The following NAT10 variants were observed in gnomAD, a reference collection of about 807,000 sequenced individuals.
NAT10 encodes the protein N-acetyltransferase 10, also known as RNA cytidine acetyltransferase.
A neutral mutation model predicts 132.2 loss-of-function variants in NAT10; 109 were observed. The observed-to-expected ratio is 0.82, with a 90% CI of 0.71 to 0.97. The LOEUF is 0.97. NAT10 is among the 50% of genes least tolerant of loss of function. The probability of loss-of-function intolerance (pLI) is 0.00; values close to 1 mark genes in which losing one functional copy is unlikely to be tolerated. For synonymous variants in NAT10, 479 were observed against 478.0 expected (o/e 1.00, Z -0.03); for missense variants, 1,184 against 1,263.4 (o/e 0.94, Z 0.95).
Position 34,146,266 on chromosome 11 carries a change from T to C in NAT10, c.*74T>C. 8.5e-7 allele frequency: 1 copy of C among 1,170,810 alleles called. No individual in the cohort carries two copies. Among genetic ancestry groups the C allele is most frequent in the South Asian group, 1.5e-5 (1 of 65,610 alleles). 72.5% of individuals were successfully genotyped at this position (1,170,810 alleles called of 1,614,324 possible). A position where few individuals can be genotyped will look rare whatever the true frequency, so the allele number is the denominator to read the frequency against. ...CTAACTGAACCCTCTCTGGCTGGAC[T>C]GTTAAAAGCAACGAGAGGCCCCGGC... is the stretch of plus-strand genomic sequence containing the variant. On this transcript the variant is annotated 3_prime_UTR_variant, in exon 29 of 29. Coordinates refer to ENST00000257829, the MANE Select transcript of NAT10 (RefSeq NM_024662.3).
chr11:34,132,104 G>A (rs748282619), intron 14 of NAT10, 21 bp from the exon 15 acceptor site: 8 of 1,581,204 alleles, frequency 5.1e-6, no homozygotes, highest in Non-Finnish European at 6.1e-6. Flanking sequence ...TTTTGTTTTG[G>A]TTTCTTAACT....
intron 7 of NAT10, 50 bp downstream of exon 7, chr11:34,118,344 G>A (rs1248529781): frequency 6.2e-7 from 1 of 1,611,224 alleles, no homozygotes; most frequent in Admixed American, 1.7e-5. Context: ...CGTTTTCTGT[G>A]TTGTTCCTCC....
At chr11:34,145,027 G>A (rs1251436770) in intron 28 of NAT10, among the ~76,000 whole-genome samples, 3 of 152,214 alleles carry the variant, frequency 2.0e-5, no homozygotes, top group African/African-American at 7.2e-5. Context: ...CAGCACAGAA[G>A]CCCACTGTCA....
In NAT10 at chr11:34,135,280, G is replaced by A. The variant is rs778791463; in HGVS notation, c.2017G>A (p.Val673Ile). 8 of 1,613,624 alleles carry A rather than the reference G, an allele frequency of 5.0e-6. No individual in the cohort carries two copies. Among genetic ancestry groups the A allele is most frequent in the South Asian group, 1.1e-5 (1 of 91,072 alleles). ...TGAGACACCACAGGAAATTCACACC[G>A]TAAGCAGCGAGGTAAGCATCTTTCG... ...VLETPQEIHTVSSEAVSLLEE... is the reference protein window; with the variant it reads ...VLETPQEIHTISSEAVSLLEE... Residue 673 changes from valine (V) to isoleucine (I), a missense_variant, in exon 19 of 29, where the codon GTA becomes ATA. Coordinates refer to ENST00000257829, the MANE Select transcript of NAT10 (RefSeq NM_024662.3).
In NAT10 at chr11:34,139,270, T is replaced by A; in HGVS notation, c.2291T>A (p.Leu764His). The A allele has an allele frequency of 6.2e-7, 1 of 1,614,078 alleles. No homozygotes were observed. Among genetic ancestry groups the A allele is most frequent in the East Asian group, 2.2e-5 (1 of 44,862 alleles). ...DEDEADQGGW[L>H]AAFWKDFRRR... ...GATGAGGCTGACCAGGGAGGCTGGCTTGCAGCCTTCTGGAAAGGTGACTGA... is the reference window on the plus strand; with the variant it reads ...GATGAGGCTGACCAGGGAGGCTGGCATGCAGCCTTCTGGAAAGGTGACTGA... Residue 764 changes from leucine to histidine, a missense_variant, in exon 22 of 29, where the codon CTT becomes CAT. Leu to His is a moderately conservative substitution (Grantham distance 99). Coordinates refer to ENST00000257829, the MANE Select transcript of NAT10 (RefSeq NM_024662.3).
At position 34,137,026 on chromosome 11, in the gene NAT10, G is replaced by A. The variant is rs748582772; in HGVS notation, c.2211G>A (p.Pro737=). The change falls in exon 21 of 29, where the codon CCG becomes CCA. Residue 737 remains proline (P), a splice_region_variant and synonymous_variant. Coordinates refer to ENST00000257829, the MANE Select transcript of NAT10 (RefSeq NM_024662.3). Reference sequence around the variant, plus strand: ...TTCCTGTTTATCTGAGACAGACCCCGGTGAGTGAGGCATCCAGCAGAGGAG... The same window carrying A: ...TTCCTGTTTATCTGAGACAGACCCCAGTGAGTGAGGCATCCAGCAGAGGAG... ...GFVPVYLRQT[P]NDLTGEHSCI... 6 of 1,614,074 alleles carry A rather than the reference G, an allele frequency of 3.7e-6. No individual in the cohort carries two copies. Among genetic ancestry groups the A allele is most frequent in the East Asian group, 2.2e-5 (1 of 44,898 alleles).
intron 8 of NAT10, among the ~76,000 whole-genome samples, chr11:34,120,717 C>T (rs942579749): frequency 1.3e-5 from 2 of 152,150 alleles, no homozygotes; most frequent in Non-Finnish European, 2.9e-5. Context: ...TGAGATGAGA[C>T]AGTCAGTAAA....
chr11:34,130,393 A>T (rs763143770), intron 12 of NAT10, among the ~76,000 whole-genome samples: 2 of 152,228 alleles, frequency 1.3e-5, no homozygotes, highest in African/African-American at 2.4e-5. Flanking sequence ...CAGCTCCGTT[A>T]GTTGACCATT....
intron 4 of NAT10, 91 bp from the exon 5 acceptor site, chr11:34,113,625 A>C: frequency 1.4e-6 from 2 of 1,423,950 alleles, no homozygotes; most frequent in South Asian, 2.8e-5. Context: ...CGACAGAGCA[A>C]GACTCCATCT....
At chr11:34,123,638 C>T in intron 9 of NAT10, 124 bp from the exon 10 acceptor site, 1 of 652,752 alleles carries the variant, frequency 1.5e-6, no homozygotes. Context: ...CTGACTTTTT[C>T]CCTTGCTGTT....
intron 28 of NAT10, among the ~76,000 whole-genome samples, chr11:34,145,593 T>C (rs974432431): frequency 2.0e-5 from 3 of 152,202 alleles, no homozygotes; most frequent in Admixed American, 6.5e-5. Context: ...TTTCTTCTTC[T>C]CATATAGGAA....
At position 34,129,035 on chromosome 11, in the gene NAT10, C is replaced by T. The variant is rs1852052062; in HGVS notation, c.1244+1436C>T. Among the ~76,000 whole-genome samples, 3 of 152,120 alleles carry T rather than the reference C, an allele frequency of 2.0e-5. No individual in the cohort carries two copies. In the South Asian group the frequency reaches 6.2e-4, roughly 32 times the overall value. On this transcript the variant is annotated intron_variant, in intron 12 of 28. Transcript: ENST00000257829. ...TATAGATATACCACATTTTATTTTTCCATTTATCTGTTGGTGGACATTTGG... is the reference window on the plus strand; with the variant it reads ...TATAGATATACCACATTTTATTTTTTCATTTATCTGTTGGTGGACATTTGG...
chr11:34,110,267 G>A (rs943983167), intron 3 of NAT10, among the ~76,000 whole-genome samples: 4 of 151,982 alleles, frequency 2.6e-5, no homozygotes, highest in East Asian at 3.9e-4. Flanking sequence ...CTGAAAGCCT[G>A]TCTCCAGCTC....
At chr11:34,117,377 G>T (rs1055735243) in intron 6 of NAT10, among the ~76,000 whole-genome samples, 2 of 152,186 alleles carry the variant, frequency 1.3e-5, no homozygotes, top group Non-Finnish European at 2.9e-5. Context: ...GAGGGTGGTG[G>T]TGGGTGCCGT....
intron 19 of NAT10, among the ~76,000 whole-genome samples, 200 bp downstream of exon 19, chr11:34,135,491 C>T (rs912476463): frequency 2.0e-5 from 3 of 152,160 alleles, no homozygotes; most frequent in Non-Finnish European, 2.9e-5. Flanking sequence ...AATGTAAATT[C>T]TTGAGCCCCA....
chr11:34,139,638 C>G, intron 23 of NAT10, 143 bp downstream of exon 23: 1 of 684,804 alleles, frequency 1.5e-6, no homozygotes, highest in South Asian at 1.7e-5. Flanking sequence ...ACCCGCTTGC[C>G]AGGCCCCTGC....
intron 6 of NAT10, 57 bp from the exon 7 acceptor site, chr11:34,118,123 C>A: frequency 7.2e-7 from 1 of 1,385,724 alleles, no homozygotes; most frequent in Non-Finnish European, 1.0e-6. Flanking sequence ...AAGTTATACT[C>A]TGTATAGACA....
chr11:34,112,893 A>G (rs1181390799), intron 4 of NAT10, among the ~76,000 whole-genome samples: 1 of 152,240 alleles, frequency 6.6e-6, no homozygotes, highest in East Asian at 1.9e-4. Flanking sequence ...AAAAAAGACA[A>G]GACAAAATTA....
At position 34,118,300 on chromosome 11, in the gene NAT10, T is replaced by C. The variant is rs1244214114; in HGVS notation, c.672+6T>C. The C allele has an allele frequency of 6.2e-7, 1 of 1,613,298 alleles. No individual in the cohort carries two copies. The highest frequency in any genetic ancestry group is 1.3e-5 in the African/African-American group (1 of 74,874). On this transcript the variant is annotated splice_donor_region_variant and intron_variant, in intron 7 of 28. Coordinates refer to ENST00000257829, the MANE Select transcript of NAT10 (RefSeq NM_024662.3). Reference sequence around the variant, plus strand: ...CCCTGCCTCCCCAGACTCCGGTGAGTCTGTGCTGGGGTCCAGGAATCTGGG... The same window carrying C: ...CCCTGCCTCCCCAGACTCCGGTGAGCCTGTGCTGGGGTCCAGGAATCTGGG...
Sources: allele counts gnomAD v4.1 joint callset (sites outside exome capture counted in the v4.1 genomes callset), GRCh38; gene constraint gnomAD v4.1.1; transcripts MANE v1.5; gene names NCBI Gene and HGNC (gene_info 2026-07-23, HGNC 2026-07-21).